The following TAFA5 variants were observed in gnomAD, a reference collection of about 807,000 sequenced individuals.
The protein encoded by TAFA5 is TAFA chemokine like family member 5.
TAFA5 carries 6 observed loss-of-function variants against 15.3 expected under a neutral mutation model. That is an observed-to-expected ratio of 0.39 (90% CI 0.21 to 0.77). TAFA5 has a LOEUF of 0.77. Ranked by LOEUF, TAFA5 falls within the 30% of genes least tolerant of loss-of-function variation. TAFA5 has a pLI of 0.41. For missense variants in TAFA5, 161 were observed against 193.1 expected (o/e 0.83, Z 0.98); for synonymous variants, 103 against 80.7 (o/e 1.28, Z -1.48).
At chr22:48,605,138 ATGG>A (rs1293651109) in intron 1 of TAFA5, among the ~76,000 whole-genome samples, 1 of 37,892 alleles carries the variant, frequency 2.6e-5, no homozygotes, top group African/African-American at 9.6e-5. Context: ...GATGATGGTG[ATGG>A]TGATGATGGT....
chr22:48,573,384 GT>G (rs1231234965), intron 1 of TAFA5, among the ~76,000 whole-genome samples: 11 of 152,170 alleles, frequency 7.2e-5, no homozygotes, highest in African/African-American at 2.2e-4. Flanking sequence ...TTTGTAAAGG[GT>G]TTTTCCTGTC....
intron 1 of TAFA5, among the ~76,000 whole-genome samples, chr22:48,636,951 C>T (rs1926472066): frequency 6.6e-6 from 1 of 152,206 alleles, no homozygotes; most frequent in Non-Finnish European, 1.5e-5. Context: ...GCTCTGGACC[C>T]TCCTGGCCCC....
chr22:48,674,134 C>T (rs1210488720), intron 2 of TAFA5, among the ~76,000 whole-genome samples: 2 of 152,204 alleles, frequency 1.3e-5, no homozygotes, highest in Admixed American at 1.3e-4. Context: ...TTGCCCTCCG[C>T]CCTTCCTCCT....
At chr22:48,705,341 C>T (rs1308310094) in intron 2 of TAFA5, among the ~76,000 whole-genome samples, 7 of 152,192 alleles carry the variant, frequency 4.6e-5, no homozygotes, top group Non-Finnish European at 5.9e-5. Context: ...AGACTCCTCT[C>T]CACTGCAGTC....
chr22:48,599,989 A>C (rs1358943487), intron 1 of TAFA5, among the ~76,000 whole-genome samples: 1 of 152,022 alleles, frequency 6.6e-6, no homozygotes, highest in Admixed American at 6.6e-5. Flanking sequence ...GAGTGTTTGC[A>C]GCTCTCCCCC....
chr22:48,549,888 G>C (rs563570286), intron 1 of TAFA5, among the ~76,000 whole-genome samples: 3 of 152,200 alleles, frequency 2.0e-5, no homozygotes, highest in Non-Finnish European at 4.4e-5. Flanking sequence ...AGACGCCCTC[G>C]GGAATTGGAC....
intron 2 of TAFA5, among the ~76,000 whole-genome samples, chr22:48,661,614 G>A (rs1927443546): frequency 6.6e-6 from 1 of 152,218 alleles, no homozygotes; most frequent in African/African-American, 2.4e-5. Context: ...AGTGCAGCAG[G>A]GAACAGAGAG....
intron 1 of TAFA5, among the ~76,000 whole-genome samples, chr22:48,634,133 C>CTCAG (rs1370435442): frequency 1.4e-5 from 2 of 145,170 alleles, no homozygotes; most frequent in Non-Finnish European, 3.0e-5. Flanking sequence ...CACTCACTCA[C>CTCAG]TCACTCACTC....
At chr22:48,740,911 C>G (rs908268739) in intron 3 of TAFA5, among the ~76,000 whole-genome samples, 1 of 152,220 alleles carries the variant, frequency 6.6e-6, no homozygotes, top group Non-Finnish European at 1.5e-5. Context: ...TTAGAAATGG[C>G]AGCAGTGATG....
chr22:48,721,971 T>C (rs1929582100), intron 3 of TAFA5, among the ~76,000 whole-genome samples: 1 of 122,402 alleles, frequency 8.2e-6, no homozygotes, highest in African/African-American at 3.3e-5. Flanking sequence ...AGCAAAACTC[T>C]GTCTGAAAAA....
chr22:48,657,804 G>A (rs1455062684), intron 2 of TAFA5, among the ~76,000 whole-genome samples: 2 of 152,192 alleles, frequency 1.3e-5, no homozygotes, highest in African/African-American at 4.8e-5. Context: ...GGTTTTCAGG[G>A]AGACCCGATG....
At chr22:48,688,843 CT>C (rs1928446085) in intron 2 of TAFA5, among the ~76,000 whole-genome samples, 1 of 151,828 alleles carries the variant, frequency 6.6e-6, no homozygotes, top group Non-Finnish European at 1.5e-5. Flanking sequence ...ATATAAAAAA[CT>C]AGCCAGGTGT....
At chr22:48,590,639 C>G (rs1212962281) in intron 1 of TAFA5, among the ~76,000 whole-genome samples, 2 of 152,116 alleles carry the variant, frequency 1.3e-5, no homozygotes, top group Non-Finnish European at 2.9e-5. Context: ...GACTGTGACT[C>G]TGAGAGCCCA....
chr22:48,591,939 C>G (rs1194784732), intron 1 of TAFA5, among the ~76,000 whole-genome samples: 1 of 152,166 alleles, frequency 6.6e-6, no homozygotes, highest in Non-Finnish European at 1.5e-5. Context: ...ATGCAGTGCC[C>G]CAGCCTCACG....
chr22:48,745,767 G>A (rs546654053), intron 3 of TAFA5, among the ~76,000 whole-genome samples: 1 of 152,170 alleles, frequency 6.6e-6, no homozygotes, highest in Non-Finnish European at 1.5e-5. Flanking sequence ...GTCAGCACCG[G>A]CCCAAAGATT....
At chr22:48,633,121 C>T (rs959058572) in intron 1 of TAFA5, among the ~76,000 whole-genome samples, 1 of 152,146 alleles carries the variant, frequency 6.6e-6, no homozygotes, top group Non-Finnish European at 1.5e-5. Context: ...TCCCAGCAGC[C>T]CGAAGAGCCA....
intron 3 of TAFA5, among the ~76,000 whole-genome samples, chr22:48,735,731 C>T (rs960967079): frequency 2.0e-5 from 3 of 151,170 alleles, no homozygotes; most frequent in Non-Finnish European, 2.9e-5. Flanking sequence ...CTCCTAGAGT[C>T]CACAGAGTCC....
intron 3 of TAFA5, among the ~76,000 whole-genome samples, chr22:48,709,876 G>A (rs1170630430): frequency 6.6e-6 from 1 of 152,258 alleles, no homozygotes; most frequent in African/African-American, 2.4e-5. Context: ...AAGGCATCGA[G>A]GTGCTTGTCA....
At chr22:48,576,015 A>C (rs1923769926) in intron 1 of TAFA5, among the ~76,000 whole-genome samples, 1 of 42,814 alleles carries the variant, frequency 2.3e-5, no homozygotes, top group South Asian at 6.6e-4. Context: ...CGACAGGCGG[A>C]GGAGGGGGCC....
Sources: gnomAD v4.1 joint callset for allele counts (sites outside exome capture counted in the v4.1 genomes callset) on GRCh38, gnomAD v4.1.1 for gene constraint, MANE v1.5 for transcripts, NCBI Gene and HGNC (gene_info 2026-07-23, HGNC 2026-07-21) for gene names.